The following MEX3B variants were observed in gnomAD, a reference collection of about 807,000 sequenced individuals.
The protein encoded by MEX3B is mex-3 RNA binding family member B.
Under a neutral mutation model 12.2 loss-of-function variants are expected in MEX3B, and 10 were observed. The observed-to-expected ratio is 0.82, with a 90% CI of 0.51 to 1.40. The LOEUF (loss-of-function observed/expected upper bound fraction) is 1.40, where lower values mean the gene tolerates loss of function less well. Ranked by LOEUF, MEX3B falls within the 40% of genes most tolerant of loss-of-function variation. The pLI, the probability that MEX3B is intolerant of heterozygous loss-of-function variation, is 0.00. For missense variants in MEX3B, 839 were observed against 801.4 expected, an observed-to-expected ratio of 1.05 and a Z score of -0.57; for synonymous variants, 498 against 356.3, an observed-to-expected ratio of 1.40 and a Z score of -4.48.
chr15:82,045,193 G>A (rs897910493), intron 1 of MEX3B: 10 of 624,040 alleles, frequency 1.6e-5, no homozygotes, highest in South Asian at 3.7e-5. Context: ...CTGGAGGTGG[G>A]CTGGTTGGGG....
Position 82,045,675 on chromosome 15 carries a change from G to C in MEX3B, c.31C>G (p.Arg11Gly). 6.5e-7 allele frequency: 1 copy of C among 1,546,114 alleles called. No homozygotes were observed. The highest frequency in any genetic ancestry group is 1.4e-5 in the African/African-American group (1 of 73,460). The change falls in exon 1 of 2, where the codon CGC (arginine) becomes GGC (glycine). Residue 11 changes from arginine to glycine, a missense_variant. This residue lies in a region of MEX3B where 214 missense variants were observed against 223.8 expected (regional missense o/e 0.96). Transcript: ENST00000329713. MPSSLFADLE[R>G]NGSGGGGGGS... ...CCGCCGCCGCCGCCGCTGCCGTTGC[G>C]CTCCAGGTCTGCGAACAGCGAGCTG...
rs540584427 is a variant in MEX3B, at chr15:82,045,630, C to T, written c.76G>A (p.Glu26Lys). ...AGGGCTCTTTGGTCATCCAGGGTCT[C>T]TCCCCCTCCGCTGCTGCCGCCGCCG... Reference protein sequence around the residue: ...GGGGGSSGGGETLDDQRALQL... With the variant: ...GGGGGSSGGGKTLDDQRALQL... The change falls in exon 1 of 2, where the codon GAG becomes AAG. Residue 26 changes from glutamate (E) to lysine (K), a missense_variant. Around this residue, in one of 3 missense-constraint regions of MEX3B, gnomAD observed 214 missense variants for 223.8 expected, o/e 0.96. Coordinates refer to ENST00000329713, the MANE Select transcript of MEX3B (RefSeq NM_032246.6). 3.8e-6 allele frequency: 6 copies of T among 1,594,208 alleles called. No individual in the cohort carries two copies. The Admixed American group carries it at 6.8e-5, about 18-fold the overall frequency.
intron 1 of MEX3B, chr15:82,045,216 G>A: frequency 1.5e-6 from 1 of 649,064 alleles, no homozygotes; most frequent in South Asian, 1.8e-5. Flanking sequence ...CGTTAGGGGA[G>A]AAGGCAGTGA....
rs763786045 is a variant in MEX3B at position 82,043,653 on chromosome 15, G to T, written c.1217C>A (p.Ser406Tyr). ...CSSSASSSAS[S>Y]SSVVFPGGGA... ...ACCCCCGGGGAAGACCACGGAGGAG[G>T]AAGAAGCAGACGAAGATGCAGAAGA... Residue 406 changes from serine to tyrosine, a missense_variant, in exon 2 of 2, where the codon TCC becomes TAC. Physicochemically the swap from Ser to Tyr is moderately radical, Grantham distance 144. Coordinates refer to ENST00000329713, the MANE Select transcript of MEX3B (RefSeq NM_032246.6). 2.5e-6 allele frequency: 4 copies of T among 1,610,886 alleles called. No individual in the cohort carries two copies. The highest frequency in any genetic ancestry group is 3.4e-6 in the Non-Finnish European group (4 of 1,178,638).
Position 82,043,511 on chromosome 15 carries a change from C to G in MEX3B, c.1359G>C (p.Glu453Asp). The G allele has an allele frequency of 6.6e-7, 1 of 1,515,078 alleles. No homozygotes were observed. The allele number at this position is 1,515,078 out of a possible 1,614,324, so 93.9% of individuals were successfully genotyped here. Residue 453 changes from glutamate to aspartate, a missense_variant, in exon 2 of 2, where the codon GAG becomes GAC. Transcript: ENST00000329713. ...PPLHMAPGAG[E>D]HHLARRVRSD... ...TGCGCACCCGGCGAGCCAGGTGGTG[C>G]TCTCCCGCCCCCGGGGCCATGTGCA...
Position 82,044,810 on chromosome 15 carries a change from C to G in MEX3B, c.257-197G>C. On this transcript the variant is annotated intron_variant, in intron 1 of 1. Transcript: ENST00000329713. The surrounding 1 kb of genome is among the most constrained non-coding windows in gnomAD (Gnocchi z 5.3). ...TGGGCAGCGGATCCCACCCGCGAGGCGCTCGAGGAACAGCCCATTGGCTGC... is the reference window on the plus strand; with the variant it reads ...TGGGCAGCGGATCCCACCCGCGAGGGGCTCGAGGAACAGCCCATTGGCTGC... 2 of 621,774 alleles carry G rather than the reference C, an allele frequency of 3.2e-6. No individual in the cohort carries two copies. Among genetic ancestry groups the G allele is most frequent in the Non-Finnish European group, 5.7e-6 (2 of 352,450 alleles). The allele number at this position is 621,774 out of a possible 1,614,324, so 38.5% of individuals were successfully genotyped here.
At position 82,044,725 on chromosome 15, in the gene MEX3B, G is replaced by A. The variant is rs2073245757; in HGVS notation, c.257-112C>T. On this transcript the variant is annotated intron_variant, in intron 1 of 1. Coordinates refer to ENST00000329713, the MANE Select transcript of MEX3B (RefSeq NM_032246.6). This position sits in a 1 kb window ranked among gnomAD's most constrained non-coding sequence, Gnocchi z 5.3. ...CCGCGTCCAGGACAGCGAGACGGCA[G>A]GACAAGAGATGGGCGGAAAGGGGGC... 9.5e-6 allele frequency: 10 copies of A among 1,055,582 alleles called. No homozygotes were observed. In the East Asian group the frequency reaches 9.7e-5, roughly 10 times the overall value. 65.4% of individuals were successfully genotyped at this position (1,055,582 alleles called of 1,614,324 possible). A position where few individuals can be genotyped will look rare whatever the true frequency, so the allele number is the denominator to read the frequency against.
chr15:82,043,448 A>C lies in MEX3B; in HGVS notation c.1422T>G (p.Tyr474Ter). ...PGGGGLAYAA[Y>*]ANGLGAQLPG... ...GCAGCTGTGCCCCCAGCCCGTTGGC[A>C]TAAGCGGCGTAGGCCAGGCCTCCTC... Residue 474 changes from tyrosine to a stop codon, truncating the protein, a stop_gained, in exon 2 of 2, where the codon TAT (tyrosine) becomes TAG (stop). Transcript: ENST00000329713. LOFTEE classifies it high-confidence loss of function. The C allele has an allele frequency of 6.4e-7, 1 of 1,554,392 alleles. No individual in the cohort carries two copies. Among genetic ancestry groups the C allele is most frequent in the Non-Finnish European group, 8.7e-7 (1 of 1,149,714 alleles).
Position 82,045,732 on chromosome 15 carries a change from G to A in MEX3B, c.-27C>T, listed in dbSNP as rs988624989. On this transcript the variant is annotated 5_prime_UTR_variant, in exon 1 of 2. Coordinates refer to ENST00000329713, the MANE Select transcript of MEX3B (RefSeq NM_032246.6). ...GCTCGGCCGTGCGCGCCGCGCCCCCGCCGGCCCTCGGCTCGGCGGCGAGAA... is the reference window on the plus strand; with the variant it reads ...GCTCGGCCGTGCGCGCCGCGCCCCCACCGGCCCTCGGCTCGGCGGCGAGAA... 2.3e-6 allele frequency: 3 copies of A among 1,320,728 alleles called. No homozygotes were observed. The highest frequency in any genetic ancestry group is 2.9e-6 in the Non-Finnish European group (3 of 1,042,788). The allele number at this position is 1,320,728 out of a possible 1,614,324, so 81.8% of individuals were successfully genotyped here.
chr15:82,044,363 G>C lies in MEX3B; in HGVS notation c.507C>G (p.Tyr169Ter). The C allele has an allele frequency of 6.2e-7, 1 of 1,611,850 alleles. No homozygotes were observed. Among genetic ancestry groups the C allele is most frequent in the Non-Finnish European group, 8.5e-7 (1 of 1,179,768 alleles). ...GCCCCACCACGAGCCCCACCACGCG[G>C]TAGGGTACCCGCACTTGGATGGTGG... The part of the protein sequence containing the change: ...GQTTIQVRVP[Y>*]RVVGLVVGPK... The change falls in exon 2 of 2, where the codon TAC becomes TAG. Residue 169 changes from tyrosine to a stop codon, truncating the protein, a stop_gained. Transcript: ENST00000329713. LOFTEE classifies it low-confidence loss of function (END_TRUNC). This position sits in a 1 kb window ranked among gnomAD's most constrained non-coding sequence, Gnocchi z 5.3.
chr15:82,044,011 C>G lies in MEX3B; in HGVS notation c.859G>C (p.Asp287His). 1 of 1,605,094 alleles carries G rather than the reference C, an allele frequency of 6.2e-7. No individual in the cohort carries two copies. Among genetic ancestry groups the G allele is most frequent in the Non-Finnish European group, 8.5e-7 (1 of 1,178,972 alleles). Residue 287 changes from aspartate (D) to histidine (H), a missense_variant, in exon 2 of 2, where the codon GAC becomes CAC. By Grantham distance (81) the Asp-to-His change is moderately conservative. Transcript: ENST00000329713. This position sits in a 1 kb window ranked among gnomAD's most constrained non-coding sequence, Gnocchi z 5.3. ...GRKPFSSYRN[D>H]SSSSLGSAST... Reference sequence around the variant, plus strand: ...GCACTGCCAAGCGAGCTGGAGCTGTCGTTGCGGTAGCTAGAGAAAGGCTTG... The same window carrying G: ...GCACTGCCAAGCGAGCTGGAGCTGTGGTTGCGGTAGCTAGAGAAAGGCTTG...
In MEX3B at chr15:82,045,802, G is replaced by C. The variant is rs2073255048; in HGVS notation, c.-97C>G. 7.9e-7 allele frequency: 1 copy of C among 1,272,746 alleles called. No individual in the cohort carries two copies. The highest frequency in any genetic ancestry group is 1.6e-5 in the African/African-American group (1 of 63,542). 78.8% of individuals were successfully genotyped at this position (1,272,746 alleles called of 1,614,324 possible). A position where few individuals can be genotyped will look rare whatever the true frequency, so the allele number is the denominator to read the frequency against. On this transcript the variant is annotated 5_prime_UTR_variant, in exon 1 of 2. Coordinates refer to ENST00000329713, the MANE Select transcript of MEX3B (RefSeq NM_032246.6). ...CCGGGAAGCGGGTGGTCAGGGGCGG[G>C]GAGGCCGGTCGCCTGCTGAGGGCTC...
chr15:82,044,017 G>A lies in MEX3B; in HGVS notation c.853C>T (p.Arg285Cys). ...TPGRKPFSSY[R>C]NDSSSSLGSA... ...CCAAGCGAGCTGGAGCTGTCGTTGC[G>A]GTAGCTAGAGAAAGGCTTGCGGCCG... is the stretch of plus-strand genomic sequence containing the variant. The change falls in exon 2 of 2, where the codon CGC becomes TGC. Residue 285 changes from arginine to cysteine, a missense_variant. Around this residue, in one of 3 missense-constraint regions of MEX3B, gnomAD observed 573 missense variants for 488.9 expected, o/e 1.17. Coordinates refer to ENST00000329713, the MANE Select transcript of MEX3B (RefSeq NM_032246.6). The surrounding 1 kb of genome is among the most constrained non-coding windows in gnomAD (Gnocchi z 5.3). 2 of 1,608,620 alleles carry A rather than the reference G, an allele frequency of 1.2e-6. No homozygotes were observed. Among genetic ancestry groups the A allele is most frequent in the Non-Finnish European group, 1.7e-6 (2 of 1,179,834 alleles).
Position 82,041,958 on chromosome 15 carries a change from C to G in MEX3B, c.*1202G>C, listed in dbSNP as rs2073222631. 1 of 152,550 alleles carries G rather than the reference C, an allele frequency of 6.6e-6. No homozygotes were observed. Among genetic ancestry groups the G allele is most frequent in the African/African-American group, 2.4e-5 (1 of 41,432 alleles). The allele number at this position is 152,550 out of a possible 1,614,324, so 9.4% of individuals were successfully genotyped here. A position where few individuals can be genotyped will look rare whatever the true frequency, so the allele number is the denominator to read the frequency against. ...GTATTTGACCATGAGGTTAAAGGCCCTTTATCATAAAATAAAATATACTTT... is the reference window on the plus strand; with the variant it reads ...GTATTTGACCATGAGGTTAAAGGCCGTTTATCATAAAATAAAATATACTTT... On this transcript the variant is annotated 3_prime_UTR_variant, in exon 2 of 2. Coordinates refer to ENST00000329713, the MANE Select transcript of MEX3B (RefSeq NM_032246.6).
chr15:82,043,144 G>C lies in MEX3B; in HGVS notation c.*16C>G. 4 of 1,519,278 alleles carry C rather than the reference G, an allele frequency of 2.6e-6. No homozygotes were observed. Among genetic ancestry groups the C allele is most frequent in the Non-Finnish European group, 3.5e-6 (4 of 1,133,918 alleles). 94.1% of individuals were successfully genotyped at this position (1,519,278 alleles called of 1,614,324 possible). On this transcript the variant is annotated 3_prime_UTR_variant, in exon 2 of 2. Transcript: ENST00000329713. The stretch of plus-strand genomic sequence containing the variant: ...CCTTCCCCCAGCACGGTGCGCACTA[G>C]CAGCGCCCGCTGCCTTTAAGAAAAG...
At position 82,043,892 on chromosome 15, in the gene MEX3B, G is replaced by A. The variant is rs1237306087; in HGVS notation, c.978C>T (p.Ser326=). 1 of 1,592,848 alleles carries A rather than the reference G, an allele frequency of 6.3e-7. No individual in the cohort carries two copies. The highest frequency in any genetic ancestry group is 1.7e-4 in the Middle Eastern group (1 of 5,932). The change falls in exon 2 of 2, where the codon AGC becomes AGT. Residue 326 remains serine (S), a synonymous_variant. Transcript: ENST00000329713. ...TGTTATTGTTTCCGTTGTGCGCAAA[G>A]CTCAGGGCGGGGCTAGGGGGGCTGT... The part of the protein sequence containing the change: ...ADYSPPSPAL[S]FAHNGNNNNN...
In MEX3B at chr15:82,043,504, G is replaced by A. The variant is rs1396235459; in HGVS notation, c.1366C>T (p.Leu456=). The change falls in exon 2 of 2, where the codon CTG becomes TTG. Residue 456 remains leucine, a synonymous_variant. Transcript: ENST00000329713. The part of the protein sequence containing the change: ...HMAPGAGEHH[L]ARRVRSDPGG... ...GGGTCGCTGCGCACCCGGCGAGCCA[G>A]GTGGTGCTCTCCCGCCCCCGGGGCC... 2.9e-5 allele frequency: 44 copies of A among 1,521,080 alleles called. No homozygotes were observed. The highest frequency in any genetic ancestry group is 3.8e-5 in the Non-Finnish European group (43 of 1,133,558). The allele number at this position is 1,521,080 out of a possible 1,614,324, so 94.2% of individuals were successfully genotyped here.
In MEX3B at chr15:82,045,762, C is replaced by A. The variant is rs982221402; in HGVS notation, c.-57G>T. On this transcript the variant is annotated 5_prime_UTR_variant, in exon 1 of 2. Transcript: ENST00000329713. Reference sequence around the variant, plus strand: ...CCCTCGGCTCGGCGGCGAGAAGCTGCGGCCACAAAGGCAGCCGGGAAGCGG... The same window carrying A: ...CCCTCGGCTCGGCGGCGAGAAGCTGAGGCCACAAAGGCAGCCGGGAAGCGG... 6.4e-5 allele frequency: 84 copies of A among 1,312,382 alleles called. No homozygotes were observed. Among genetic ancestry groups the A allele is most frequent in the Non-Finnish European group, 7.9e-5 (82 of 1,039,138 alleles). 81.3% of individuals were successfully genotyped at this position (1,312,382 alleles called of 1,614,324 possible).
rs774844109 is a variant in MEX3B at position 82,043,623 on chromosome 15, G to C, written c.1247C>G (p.Ala416Gly). The change falls in exon 2 of 2, where the codon GCC becomes GGC. Residue 416 changes from alanine (A) to glycine (G), a missense_variant. By Grantham distance (60) the Ala-to-Gly change is moderately conservative. Around this residue, in one of 3 missense-constraint regions of MEX3B, gnomAD observed 573 missense variants for 488.9 expected, o/e 1.17. Transcript: ENST00000329713. ...CAGGTTGGCGTTGGAGGGCGCACTG[G>C]CGCCACCCCCGGGGAAGACCACGGA... The part of the protein sequence containing the change: ...SSSVVFPGGG[A>G]SAPSNANLGL... 3 of 1,603,004 alleles carry C rather than the reference G, an allele frequency of 1.9e-6. No individual in the cohort carries two copies. The Admixed American group carries it at 5.2e-5, about 28-fold the overall frequency.
Sources: gnomAD v4.1 joint callset for allele counts on GRCh38, gnomAD v4.1.1 for gene constraint, gnomAD v4.1.1 regional missense constraint, Gnocchi (gnomAD v3.1) non-coding constraint, MANE v1.5 for transcripts, NCBI Gene and HGNC (gene_info 2026-07-23, HGNC 2026-07-21) for gene names.